The following NCKAP5 variants were observed in gnomAD, a reference collection of about 807,000 sequenced individuals.
The protein encoded by NCKAP5 is nck-associated protein 5.
Under a neutral mutation model 167.0 loss-of-function variants are expected in NCKAP5, and 92 were observed. The ratio of observed to expected loss-of-function variants is 0.55; its 90% CI spans 0.47 to 0.66. NCKAP5 has a LOEUF of 0.66. Ranked by LOEUF, NCKAP5 falls within the 30% of genes least tolerant of loss-of-function variation. The pLI is 0.00. For missense variants in NCKAP5, 2,378 were observed against 2,315.0 expected, an observed-to-expected ratio of 1.03 and a Z score of -0.56; for synonymous variants, 891 against 877.4, an observed-to-expected ratio of 1.02 and a Z score of -0.27.
At chr2:132,969,794 C>A (rs914645539) in intron 7 of NCKAP5, among the ~76,000 whole-genome samples, 1 of 152,198 alleles carries the variant, frequency 6.6e-6, no homozygotes, top group East Asian at 1.9e-4. Context: ...AAGCCACATC[C>A]GCATGCTGCT....
chr2:133,053,414 T>A (rs1469324040), intron 6 of NCKAP5, among the ~76,000 whole-genome samples: 2 of 152,248 alleles, frequency 1.3e-5, no homozygotes, highest in East Asian at 3.8e-4. Flanking sequence ...TCCAGGGACG[T>A]GCTTGCTATC....
intron 3 of NCKAP5, among the ~76,000 whole-genome samples, chr2:133,421,044 A>C (rs997159764): frequency 2.0e-5 from 3 of 152,174 alleles, no homozygotes; most frequent in Non-Finnish European, 4.4e-5. Flanking sequence ...CAGCTGACTA[A>C]ACAGTCTTTC....
At chr2:133,547,189 C>A (rs1045765833) in intron 2 of NCKAP5, among the ~76,000 whole-genome samples, 2 of 152,186 alleles carry the variant, frequency 1.3e-5, no homozygotes, top group Non-Finnish European at 1.5e-5. Flanking sequence ...AAACGGCGCG[C>A]CACGAGATTA....
chr2:133,078,192 T>G (rs1482374962), intron 6 of NCKAP5, among the ~76,000 whole-genome samples: 1 of 152,156 alleles, frequency 6.6e-6, no homozygotes, highest in Non-Finnish European at 1.5e-5. Flanking sequence ...GATCACCTTC[T>G]TAGGAAATGT....
At chr2:133,256,730 G>C (rs2088637182) in intron 4 of NCKAP5, among the ~76,000 whole-genome samples, 3 of 152,258 alleles carry the variant, frequency 2.0e-5, no homozygotes, top group Admixed American at 2.0e-4. Context: ...GAAATGTACA[G>C]TCAATAGTTT....
the NCKAP5 span, among the ~76,000 whole-genome samples, chr2:133,614,449 C>T: frequency 6.6e-6 from 1 of 151,998 alleles, no homozygotes; most frequent in Non-Finnish European, 1.5e-5. Flanking sequence ...CAGAGAAGTG[C>T]TTAAAGGAGC....
chr2:133,089,308 G>C (rs180997564), intron 6 of NCKAP5, among the ~76,000 whole-genome samples: 8 of 152,250 alleles, frequency 5.3e-5, no homozygotes, highest in Middle Eastern at 3.4e-3. Flanking sequence ...TCAAAAATGA[G>C]AAATATTTTT....
chr2:133,541,973 A>G (rs1282081303), intron 2 of NCKAP5, among the ~76,000 whole-genome samples: 1 of 152,106 alleles, frequency 6.6e-6, no homozygotes, highest in Admixed American at 6.5e-5. Flanking sequence ...AATAAAATGG[A>G]AGGGTTTGCA....
At chr2:132,896,830 A>G (rs1693248930) in intron 8 of NCKAP5, among the ~76,000 whole-genome samples, 1 of 152,178 alleles carries the variant, frequency 6.6e-6, no homozygotes, top group Non-Finnish European at 1.5e-5. Flanking sequence ...GGCATTTTAG[A>G]AACACTGTCC....
At chr2:132,746,275 A>G (rs1216526153) in intron 16 of NCKAP5, among the ~76,000 whole-genome samples, 1 of 152,140 alleles carries the variant, frequency 6.6e-6, no homozygotes, top group African/African-American at 2.4e-5. Flanking sequence ...TTGATTTCTG[A>G]CAAAGATGAC....
the NCKAP5 span, among the ~76,000 whole-genome samples, chr2:133,648,205 A>G: frequency 1.3e-5 from 2 of 152,150 alleles, no homozygotes; most frequent in Non-Finnish European, 2.9e-5. Flanking sequence ...ATCTATTATT[A>G]TGATTGTTAT....
chr2:132,988,948 T>A (rs1185654826), intron 7 of NCKAP5, among the ~76,000 whole-genome samples: 4 of 152,164 alleles, frequency 2.6e-5, no homozygotes, highest in Non-Finnish European at 5.9e-5. Context: ...CCATAAGTCT[T>A]GGTAGTCGCA....
chr2:133,297,830 A>C (rs767527421), intron 4 of NCKAP5, among the ~76,000 whole-genome samples: 37 of 152,200 alleles, frequency 2.4e-4, no homozygotes, highest in Non-Finnish European at 4.7e-4. Flanking sequence ...TAACATTAGC[A>C]GCAATGACAA....
chr2:133,472,138 A>G (rs1301500998), intron 3 of NCKAP5, among the ~76,000 whole-genome samples: 1 of 152,158 alleles, frequency 6.6e-6, no homozygotes, highest in Admixed American at 6.5e-5. Context: ...ATGTAATTTT[A>G]TGTAGCTGTA....
chr2:133,433,249 A>C lies in NCKAP5; in HGVS notation c.69+84209T>G, dbSNP rs150112461. Among the ~76,000 whole-genome samples the C allele has an allele frequency of 1.8e-3, 270 of 152,350 alleles. 1 individual carries two copies. The highest frequency in any genetic ancestry group is 6.3e-3 in the African/African-American group (262 of 41,582). On this transcript the variant is annotated intron_variant, in intron 3 of 19. Coordinates refer to ENST00000409261, the MANE Select transcript of NCKAP5 (RefSeq NM_207363.3). ...TAACTAGTTAGATTTTCTGTTTTGCATATCAACCAAGGAATGATTTGATGT... is the reference window on the plus strand; with the variant it reads ...TAACTAGTTAGATTTTCTGTTTTGCCTATCAACCAAGGAATGATTTGATGT...
At chr2:132,894,822 CAGCATGAGTGGGTG>C (rs1237450985) in intron 8 of NCKAP5, among the ~76,000 whole-genome samples, 1 of 152,148 alleles carries the variant, frequency 6.6e-6, no homozygotes, top group African/African-American at 2.4e-5. Flanking sequence ...CTTCTGCCTC[CAGCATGAGTGGGTG>C]AGCAGCAGTG....
At position 133,499,730 on chromosome 2, in the gene NCKAP5, T is replaced by C. The variant is rs567897419; in HGVS notation, c.69+17728A>G. Among the ~76,000 whole-genome samples, 5 of 152,196 alleles carry C rather than the reference T, an allele frequency of 3.3e-5. No homozygotes were observed. The South Asian group carries it at 1.0e-3, about 32-fold the overall frequency. ...ACCCATGACCACGCACAGCTAATTTTTGTATTTTTAGTAGAGACGGGGTTT... is the reference window on the plus strand; with the variant it reads ...ACCCATGACCACGCACAGCTAATTTCTGTATTTTTAGTAGAGACGGGGTTT... On this transcript the variant is annotated intron_variant, in intron 3 of 19. Transcript: ENST00000409261.
intron 4 of NCKAP5, among the ~76,000 whole-genome samples, chr2:133,266,908 G>A (rs1241693022): frequency 6.6e-6 from 1 of 152,196 alleles, no homozygotes; most frequent in Non-Finnish European, 1.5e-5. Context: ...CTGATGAGGA[G>A]GCTGGGGCCC....
At chr2:133,085,053 T>G (rs1428112286) in intron 6 of NCKAP5, among the ~76,000 whole-genome samples, 2 of 152,178 alleles carry the variant, frequency 1.3e-5, no homozygotes, top group Non-Finnish European at 2.9e-5. Flanking sequence ...TAAAAACCAT[T>G]TCTTAGCTAG....
Sources: gnomAD v4.1 joint callset for allele counts (sites outside exome capture counted in the v4.1 genomes callset) on GRCh38, gnomAD v4.1.1 for gene constraint, MANE v1.5 for transcripts, NCBI Gene and HGNC (gene_info 2026-07-23, HGNC 2026-07-21) for gene names.